NBAS: variants seen among roughly 807,000 people sequenced by gnomAD.
NBAS encodes NAG/BC035112 fusion.
NBAS carries 219 observed loss-of-function variants against 302.5 expected under a neutral mutation model. The observed-to-expected ratio is 0.72, with a 90% CI of 0.65 to 0.81. The LOEUF (loss-of-function observed/expected upper bound fraction) is 0.81, where lower values mean the gene tolerates loss of function less well. NBAS is among the 30% of genes least tolerant of loss of function. The pLI is 0.00. For missense variants in NBAS, 2,932 were observed against 2,841.6 expected (o/e 1.03, Z -0.72); for synonymous variants, 1,118 against 1,021.6 (o/e 1.09, Z -1.80).
the NBAS span, among the ~76,000 whole-genome samples, chr2:15,077,170 G>A: frequency 2.0e-5 from 3 of 152,168 alleles, no homozygotes; most frequent in Non-Finnish European, 4.4e-5. Flanking sequence ...AAGGTGAAGA[G>A]GAAGCAAGGC....
chr2:15,013,902 A>T, the NBAS span, among the ~76,000 whole-genome samples: 1 of 152,062 alleles, frequency 6.6e-6, no homozygotes, highest in Non-Finnish European at 1.5e-5. Flanking sequence ...GAAGCAGCAC[A>T]TCACATCACC....
intron 47 of NBAS, among the ~76,000 whole-genome samples, chr2:15,221,805 T>A (rs1322727995): frequency 6.6e-6 from 1 of 152,054 alleles, no homozygotes; most frequent in Non-Finnish European, 1.5e-5. Flanking sequence ...GGTGGTAAAT[T>A]AGAGGAGAGA....
At chr2:15,221,144 C>A (rs912390948) in intron 47 of NBAS, among the ~76,000 whole-genome samples, 1 of 152,052 alleles carries the variant, frequency 6.6e-6, no homozygotes, top group South Asian at 2.1e-4. Context: ...TCTGGTGAAC[C>A]TTTTGCAAGC....
the NBAS span, among the ~76,000 whole-genome samples, chr2:14,835,522 T>C: frequency 1.3e-5 from 2 of 151,890 alleles, no homozygotes; most frequent in Non-Finnish European, 2.9e-5. Flanking sequence ...CTTGTTTTCC[T>C]ATCTATTTTA....
chr2:15,442,036 A>T, intron 21 of NBAS, among the ~76,000 whole-genome samples: 1 of 138,088 alleles, frequency 7.2e-6, no homozygotes, highest in East Asian at 2.0e-4. Flanking sequence ...AAAGAGACTT[A>T]GACTCCCACA....
chr2:15,218,990 T>C, intron 47 of NBAS, 22 bp from the exon 48 acceptor site: 1 of 1,613,864 alleles, frequency 6.2e-7, no homozygotes, highest in Non-Finnish European at 8.5e-7. Flanking sequence ...AATCCAGAGG[T>C]ATCTGTAAAC....
chr2:15,276,868 A>G lies in NBAS; in HGVS notation c.5372T>C (p.Phe1791Ser), dbSNP rs1461283539. 1.2e-6 allele frequency: 2 copies of G among 1,614,042 alleles called. No individual in the cohort carries two copies. Among genetic ancestry groups the G allele is most frequent in the African/African-American group, 1.3e-5 (1 of 75,028 alleles). ...CATCCTACCTGATGCAACAACCTTA[A>G]ACTTCTTCAGCAGTCGAATGTGGGT... The part of the protein sequence containing the change: ...PETHIRLLKK[F>S]KVVASGLNYK... The change falls in exon 43 of 52, where the codon TTT becomes TCT. Residue 1791 changes from phenylalanine to serine, a missense_variant. Phe to Ser is a radical substitution (Grantham distance 155). Transcript: ENST00000281513.
the NBAS span, among the ~76,000 whole-genome samples, chr2:15,124,823 G>A: frequency 6.6e-6 from 1 of 152,224 alleles, no homozygotes; most frequent in African/African-American, 2.4e-5. Context: ...GGGAGGCTTA[G>A]CGGCTTCCAC....
At chr2:15,065,375 A>C in the NBAS span, among the ~76,000 whole-genome samples, 1 of 152,156 alleles carries the variant, frequency 6.6e-6, no homozygotes, top group African/African-American at 2.4e-5. Flanking sequence ...ACTTCTACTC[A>C]ACATAGTTCT....
chr2:14,826,969 C>T, the NBAS span, among the ~76,000 whole-genome samples: 1 of 152,240 alleles, frequency 6.6e-6, no homozygotes, highest in Non-Finnish European at 1.5e-5. Context: ...GCCTGCAACA[C>T]AATCCCACTA....
At chr2:15,227,931 A>C (rs1240531080) in intron 47 of NBAS, among the ~76,000 whole-genome samples, 2 of 152,222 alleles carry the variant, frequency 1.3e-5, no homozygotes, top group Non-Finnish European at 2.9e-5. Flanking sequence ...GGACTGAGAA[A>C]AGATATTTTG....
chr2:15,486,673 A>G (rs1680641964), intron 12 of NBAS, among the ~76,000 whole-genome samples: 1 of 152,174 alleles, frequency 6.6e-6, no homozygotes, highest in Admixed American at 6.5e-5. Context: ...TTCTGACTGC[A>G]TATTTCAAAC....
intron 38 of NBAS, among the ~76,000 whole-genome samples, chr2:15,315,106 C>T (rs1196155652): frequency 6.6e-6 from 1 of 152,152 alleles, no homozygotes; most frequent in Non-Finnish European, 1.5e-5. Flanking sequence ...CTGCACTTGT[C>T]ACAATCTGTA....
chr2:15,321,774 C>T (rs1263105642), intron 38 of NBAS, among the ~76,000 whole-genome samples: 1 of 152,164 alleles, frequency 6.6e-6, no homozygotes, highest in Non-Finnish European at 1.5e-5. Flanking sequence ...AACAGGAACA[C>T]TTTTACACTG....
the NBAS span, among the ~76,000 whole-genome samples, chr2:15,116,425 G>A: frequency 6.6e-6 from 1 of 152,238 alleles, no homozygotes; most frequent in South Asian, 2.1e-4. Context: ...GAGAGAGAGA[G>A]AGAGAGAGTA....
chr2:14,945,310 C>G, the NBAS span, among the ~76,000 whole-genome samples: 1 of 151,984 alleles, frequency 6.6e-6, no homozygotes, highest in Non-Finnish European at 1.5e-5. Context: ...CAAATATATC[C>G]AGGAAAAAAC....
chr2:15,060,088 G>A, the NBAS span, among the ~76,000 whole-genome samples: 1 of 152,080 alleles, frequency 6.6e-6, no homozygotes, highest in Admixed American at 6.5e-5. Flanking sequence ...GCTGAGTGAC[G>A]CTGAATGAGT....
intron 27 of NBAS, among the ~76,000 whole-genome samples, chr2:15,395,561 A>G (rs1467110438): frequency 6.6e-6 from 1 of 152,154 alleles, no homozygotes; most frequent in Non-Finnish European, 1.5e-5. Context: ...TTAAACTCAC[A>G]TATTACGGTG....
the NBAS span, among the ~76,000 whole-genome samples, chr2:15,156,289 A>G: frequency 6.6e-6 from 1 of 152,052 alleles, no homozygotes; most frequent in South Asian, 2.1e-4. Flanking sequence ...AGGTGGGGAG[A>G]TGGGAGCATT....
Sources: allele counts gnomAD v4.1 joint callset (sites outside exome capture counted in the v4.1 genomes callset), GRCh38; gene constraint gnomAD v4.1.1; transcripts MANE v1.5; gene names NCBI Gene and HGNC (gene_info 2026-07-23, HGNC 2026-07-21).